Variants in ZNF385D observed in about 807,000 individuals in gnomAD.
ZNF385D encodes zinc finger protein 385D, also known as zinc finger protein 659.
ZNF385D carries 15 observed loss-of-function variants against 35.8 expected under a neutral mutation model. The observed-to-expected ratio is 0.42, with a 90% CI of 0.28 to 0.64. The LOEUF (loss-of-function observed/expected upper bound fraction) is 0.64. Ranked by LOEUF, ZNF385D falls within the 30% of genes least tolerant of loss-of-function variation. The probability of loss-of-function intolerance (pLI) is 0.23; values close to 1 mark genes in which losing one functional copy is unlikely to be tolerated. For missense variants in ZNF385D, 474 were observed against 494.6 expected (o/e 0.96, Z 0.39); for synonymous variants, 212 against 186.8 (o/e 1.13, Z -1.10).
chr3:21,504,818 G>A (rs144369333), intron 4 of ZNF385D, among the ~76,000 whole-genome samples: 2 of 152,280 alleles, frequency 1.3e-5, no homozygotes, highest in African/African-American at 4.8e-5. Flanking sequence ...TGATCCTGGG[G>A]TCCAGCACAG....
At chr3:22,016,507 A>G (rs955232039) in intron 3 of ZNF385D, among the ~76,000 whole-genome samples, 1 of 152,080 alleles carries the variant, frequency 6.6e-6, no homozygotes, top group Admixed American at 6.6e-5. Context: ...AGGTATGACT[A>G]TCTGATTTTC....
chr3:22,000,496 A>T (rs1190413116), intron 3 of ZNF385D, among the ~76,000 whole-genome samples: 2 of 152,180 alleles, frequency 1.3e-5, no homozygotes, highest in Non-Finnish European at 2.9e-5. Context: ...TATCATCAAG[A>T]AATAATATGC....
At chr3:22,045,204 T>C (rs946639775) in intron 3 of ZNF385D, among the ~76,000 whole-genome samples, 1 of 152,122 alleles carries the variant, frequency 6.6e-6, no homozygotes, top group Non-Finnish European at 1.5e-5. Context: ...GGGGCTTTCC[T>C]CTAGTAGTTT....
At chr3:21,613,678 A>G (rs1450806198) in intron 2 of ZNF385D, among the ~76,000 whole-genome samples, 1 of 152,206 alleles carries the variant, frequency 6.6e-6, no homozygotes, top group East Asian at 1.9e-4. Context: ...GTAAATAGGT[A>G]CACTTGTGTT....
chr3:22,207,042 CAAAT>C (rs974794404), intron 2 of ZNF385D, among the ~76,000 whole-genome samples: 6 of 151,480 alleles, frequency 4.0e-5, no homozygotes, highest in Middle Eastern at 3.2e-3. Flanking sequence ...AAAGAAGAGC[CAAAT>C]AAATAAAATC....
At chr3:22,208,859 G>A (rs1697332146) in intron 2 of ZNF385D, among the ~76,000 whole-genome samples, 1 of 151,848 alleles carries the variant, frequency 6.6e-6, no homozygotes, top group Admixed American at 6.6e-5. Context: ...TTGAGTCATA[G>A]TCCTTGATGC....
At chr3:22,347,303 G>C (rs1023395378) in intron 2 of ZNF385D, among the ~76,000 whole-genome samples, 20 of 152,132 alleles carry the variant, frequency 1.3e-4, no homozygotes, top group Non-Finnish European at 2.6e-4. Context: ...TTTGTTGGTA[G>C]CATTAGAACC....
At chr3:22,193,253 C>T (rs1295159325) in intron 2 of ZNF385D, among the ~76,000 whole-genome samples, 1 of 151,980 alleles carries the variant, frequency 6.6e-6, no homozygotes, top group Admixed American at 6.6e-5. Flanking sequence ...CAGTGTAGCC[C>T]TTAGTAATTA....
chr3:21,688,656 G>A (rs1049271542), intron 1 of ZNF385D, among the ~76,000 whole-genome samples: 46 of 152,050 alleles, frequency 3.0e-4, no homozygotes, highest in Admixed American at 2.8e-3. Context: ...TTAAATCCAT[G>A]AATTCTTCCA....
At chr3:21,544,088 G>A (rs540634602) in intron 3 of ZNF385D, among the ~76,000 whole-genome samples, 2 of 152,276 alleles carry the variant, frequency 1.3e-5, no homozygotes, top group South Asian at 4.1e-4. Context: ...ATTTTTTAAA[G>A]GGCAGATAAA....
In ZNF385D at chr3:21,634,360, AAAAG is replaced by A. The variant is rs201327032; in HGVS notation, c.165+30522_165+30525del. ...GGAGAGAGGAAAGAAAGAAAAGAAA[AAAAG>A]AAAGGAAGGAAGGAAAGAAAGGAAC... On this transcript the variant is annotated intron_variant, in intron 2 of 7. Coordinates refer to ENST00000281523, the MANE Select transcript of ZNF385D (RefSeq NM_024697.3). Among the ~76,000 whole-genome samples the A allele has an allele frequency of 2.7e-3, 413 of 151,134 alleles. 3 individuals carry two copies. The highest frequency in any genetic ancestry group is 0.025 in the East Asian group (128 of 5,126).
In ZNF385D at chr3:21,561,457, C is replaced by T. The variant is rs144224655; in HGVS notation, c.276+3117G>A. 6.6e-5 allele frequency among the ~76,000 whole-genome samples: 10 copies of T among 151,954 alleles called. No individual in the cohort carries two copies. The East Asian group carries it at 7.7e-4, about 12-fold the overall frequency. On this transcript the variant is annotated intron_variant, in intron 3 of 7. Transcript: ENST00000281523. ...GGTGACACCCCACCCTGCTTCTGCT[C>T]GCCCTCTGTGGGCAGCACCCACTGT...
At chr3:21,743,510 G>T (rs1278648538) in intron 1 of ZNF385D, among the ~76,000 whole-genome samples, 1 of 152,238 alleles carries the variant, frequency 6.6e-6, no homozygotes, top group Non-Finnish European at 1.5e-5. Context: ...AGGCTGGGCA[G>T]TCCAAGTTCA....
chr3:21,794,723 T>C (rs908584332), intron 3 of ZNF385D, among the ~76,000 whole-genome samples: 3 of 152,124 alleles, frequency 2.0e-5, no homozygotes, highest in Admixed American at 2.0e-4. Flanking sequence ...TTAATAATGG[T>C]AAATTTTAAA....
chr3:21,424,317 ATT>A (rs1213225859), intron 6 of ZNF385D, among the ~76,000 whole-genome samples: 736 of 63,808 alleles, frequency 0.012, 17 homozygotes, highest in African/African-American at 0.043. Flanking sequence ...ATATATATAT[ATT>A]TTTTTTTTTT....
At chr3:21,610,434 T>C (rs547254933) in intron 2 of ZNF385D, among the ~76,000 whole-genome samples, 16 of 152,160 alleles carry the variant, frequency 1.1e-4, no homozygotes, top group Non-Finnish European at 2.1e-4. Flanking sequence ...TAGGTATCTA[T>C]TGATATATAA....
chr3:22,218,990 T>C (rs962422811), intron 2 of ZNF385D, among the ~76,000 whole-genome samples: 1 of 152,142 alleles, frequency 6.6e-6, no homozygotes, highest in African/African-American at 2.4e-5. Flanking sequence ...TACAAAGATA[T>C]CATAATCTAG....
At chr3:21,942,440 T>C (rs192625620) in intron 3 of ZNF385D, 10 of 152,334 alleles carry the variant, frequency 6.6e-5, no homozygotes, top group Admixed American at 3.9e-4. Context: ...AGCTAATGCA[T>C]TGTTTAGAAA....
chr3:21,799,388 G>A (rs2072297297), intron 3 of ZNF385D, among the ~76,000 whole-genome samples: 1 of 152,174 alleles, frequency 6.6e-6, no homozygotes, highest in South Asian at 2.1e-4. Context: ...CACCAGCAAT[G>A]TGTAAGCGTT....
Sources: allele counts gnomAD v4.1 joint callset (sites outside exome capture counted in the v4.1 genomes callset), GRCh38; gene constraint gnomAD v4.1.1; transcripts MANE v1.5; gene names NCBI Gene and HGNC (gene_info 2026-07-23, HGNC 2026-07-21).